Variants in YAP1 observed in about 807,000 individuals in gnomAD.
The protein encoded by YAP1 is transcriptional coactivator YAP1.
Under a neutral mutation model 56.9 loss-of-function variants are expected in YAP1, and 5 were observed. The ratio of observed to expected loss-of-function variants is 0.09; its 90% confidence interval spans 0.05 to 0.18. YAP1 has a LOEUF of 0.18. Among genes scored for constraint, YAP1 ranks in the 10% least tolerant of loss-of-function variants. The probability of loss-of-function intolerance (pLI) is 1.00; values close to 1 mark genes in which losing one functional copy is unlikely to be tolerated. For synonymous variants in YAP1, 265 were observed against 248.1 expected (o/e 1.07, Z -0.64); for missense variants, 539 against 651.8 (o/e 0.83, Z 1.88).
At chr11:102,196,887 AAGAT>A (rs1948602801) in intron 4 of YAP1, among the ~76,000 whole-genome samples, 1 of 152,146 alleles carries the variant, frequency 6.6e-6, no homozygotes, top group Admixed American at 6.5e-5. Flanking sequence ...TCTTTTGTAA[AAGAT>A]AGCTTTTCAG....
At chr11:102,184,563 C>A (rs764485367) in intron 3 of YAP1, among the ~76,000 whole-genome samples, 6 of 152,146 alleles carry the variant, frequency 3.9e-5, no homozygotes, top group Non-Finnish European at 7.4e-5. Flanking sequence ...GGATTTTACC[C>A]CATCAAAGTA....
chr11:102,195,272 G>C (rs1948514588), intron 4 of YAP1, among the ~76,000 whole-genome samples: 1 of 151,952 alleles, frequency 6.6e-6, no homozygotes. Context: ...ATGTTCTGCT[G>C]GATTTCTTTT....
intron 4 of YAP1, among the ~76,000 whole-genome samples, chr11:102,200,911 G>A (rs1315153061): frequency 1.3e-5 from 2 of 152,170 alleles, no homozygotes; most frequent in African/African-American, 2.4e-5. Flanking sequence ...CAGATGGGCA[G>A]AAACCCAAAA....
At chr11:102,156,147 A>G (rs1233536968) in intron 2 of YAP1, among the ~76,000 whole-genome samples, 1 of 152,194 alleles carries the variant, frequency 6.6e-6, no homozygotes. Context: ...GACATCTGAC[A>G]TGTAGTAGTT....
chr11:102,139,298 C>T (rs1944867708), intron 2 of YAP1, among the ~76,000 whole-genome samples: 1 of 151,698 alleles, frequency 6.6e-6, no homozygotes, highest in Non-Finnish European at 1.5e-5. Flanking sequence ...TATGAAGAGG[C>T]TTTGCGAGAA....
At chr11:102,121,693 T>G (rs1943664125) in intron 2 of YAP1, among the ~76,000 whole-genome samples, 1 of 152,218 alleles carries the variant, frequency 6.6e-6, no homozygotes, top group Non-Finnish European at 1.5e-5. Context: ...ATCTGCTGTT[T>G]CAAGCATCCA....
chr11:102,114,991 C>G (rs1943190235), intron 2 of YAP1, among the ~76,000 whole-genome samples: 1 of 152,132 alleles, frequency 6.6e-6, no homozygotes, highest in African/African-American at 2.4e-5. Context: ...CAGTGGCAAA[C>G]TTCTTTCAAG....
intron 2 of YAP1, among the ~76,000 whole-genome samples, chr11:102,123,186 A>G (rs1943789405): frequency 6.6e-6 from 1 of 152,204 alleles, no homozygotes; most frequent in Non-Finnish European, 1.5e-5. Flanking sequence ...GCAGAGTCAT[A>G]TAATGTACTA....
intron 4 of YAP1, among the ~76,000 whole-genome samples, chr11:102,187,241 G>T (rs547144471): frequency 5.4e-4 from 82 of 152,234 alleles, no homozygotes; most frequent in Admixed American, 3.7e-3. Flanking sequence ...ATTCAAGTTT[G>T]CCCCAAACTG....
chr11:102,178,332 T>G (rs1397787527), intron 3 of YAP1, among the ~76,000 whole-genome samples: 1 of 152,206 alleles, frequency 6.6e-6, no homozygotes, highest in South Asian at 2.1e-4. Flanking sequence ...CAGGGTGTGT[T>G]TAGTAAACTT....
intron 2 of YAP1, among the ~76,000 whole-genome samples, chr11:102,144,705 G>A (rs1348612531): frequency 1.3e-5 from 2 of 152,170 alleles, no homozygotes; most frequent in Non-Finnish European, 2.9e-5. Context: ...AGCCTAGCAT[G>A]AAGTTAAATT....
At chr11:102,112,483 T>G in intron 1 of YAP1, 1 of 978,826 alleles carries the variant, frequency 1.0e-6, no homozygotes, top group Non-Finnish European at 1.2e-6. Context: ...GCATAGGAAC[T>G]TTGCCCAAAA....
At chr11:102,188,151 T>A (rs566317040) in intron 4 of YAP1, among the ~76,000 whole-genome samples, 4 of 152,358 alleles carry the variant, frequency 2.6e-5, no homozygotes, top group African/African-American at 7.2e-5. Flanking sequence ...GATTATGTTT[T>A]ATCTCTGCCA....
At chr11:102,122,126 A>G (rs1943691974) in intron 2 of YAP1, among the ~76,000 whole-genome samples, 1 of 152,188 alleles carries the variant, frequency 6.6e-6, no homozygotes, top group Non-Finnish European at 1.5e-5. Context: ...AAATTCAGGA[A>G]AAGAGAAAGG....
chr11:102,173,612 A>T (rs772929079), intron 3 of YAP1, among the ~76,000 whole-genome samples: 1 of 152,154 alleles, frequency 6.6e-6, no homozygotes, highest in Non-Finnish European at 1.5e-5. Context: ...TCAATGATCT[A>T]TTGAGTGTTC....
At position 102,187,055 on chromosome 11, in the gene YAP1, C is replaced by G. The variant is rs188387758; in HGVS notation, c.802+924C>G. 2.0e-4 allele frequency among the ~76,000 whole-genome samples: 31 copies of G among 152,170 alleles called. 1 individual carries two copies. The East Asian group carries it at 5.6e-3, about 27-fold the overall frequency. ...AGCTTTACAGGGTTTGACCTAACAA[C>G]AACTGCGGGGCCCTCACGGGAAAGA... On this transcript the variant is annotated intron_variant, in intron 4 of 8. Transcript: ENST00000282441.
chr11:102,199,103 G>C (rs1948715808), intron 4 of YAP1, among the ~76,000 whole-genome samples: 1 of 152,130 alleles, frequency 6.6e-6, no homozygotes, highest in Admixed American at 6.5e-5. Context: ...GAGTCTTTAG[G>C]TTTAGAAAGA....
chr11:102,230,046 A>G lies in YAP1; in HGVS notation c.*106A>G. The G allele has an allele frequency of 2.1e-6, 2 of 930,654 alleles. No individual in the cohort carries two copies. Among genetic ancestry groups the G allele is most frequent in the South Asian group, 1.6e-5 (1 of 63,260 alleles). 57.6% of individuals were successfully genotyped at this position (930,654 alleles called of 1,614,324 possible). A position where few individuals can be genotyped will look rare whatever the true frequency, so the allele number is the denominator to read the frequency against. ...AGTTTTCAGGCTAATACAGAAAAAG[A>G]TGAACAAACGTCCAGCAAGATACTT... On this transcript the variant is annotated 3_prime_UTR_variant, in exon 9 of 9. Coordinates refer to ENST00000282441, the MANE Select transcript of YAP1 (RefSeq NM_001130145.3).
chr11:102,124,867 C>A (rs1305065545), intron 2 of YAP1, among the ~76,000 whole-genome samples: 1 of 152,120 alleles, frequency 6.6e-6, no homozygotes, highest in African/African-American at 2.4e-5. Flanking sequence ...TCCTAAGTAG[C>A]TGGGATCACA....
Sources: gnomAD v4.1 joint callset for allele counts (sites outside exome capture counted in the v4.1 genomes callset) on GRCh38, gnomAD v4.1.1 for gene constraint, MANE v1.5 for transcripts, NCBI Gene and HGNC (gene_info 2026-07-23, HGNC 2026-07-21) for gene names.